CPNE8: variants seen among roughly 807,000 people sequenced by gnomAD.
The protein encoded by CPNE8 is copine-8.
In CPNE8, 45 loss-of-function variants were observed where a neutral mutation model predicts 81.5. The observed-to-expected ratio is 0.55, with a 90% confidence interval of 0.44 to 0.71. CPNE8 has a LOEUF of 0.71. CPNE8 is among the 30% of genes least tolerant of loss of function. The pLI, the probability that CPNE8 is intolerant of heterozygous loss-of-function variation, is 0.00. For missense variants in CPNE8, 594 were observed against 672.1 expected (o/e 0.88, Z 1.28); for synonymous variants, 252 against 226.3 (o/e 1.11, Z -1.02).
intron 15 of CPNE8, among the ~76,000 whole-genome samples, chr12:38,685,949 T>C (rs1486288798): frequency 3.3e-5 from 5 of 152,144 alleles, no homozygotes; most frequent in Non-Finnish European, 7.3e-5. Context: ...TTTGGGTACA[T>C]GTGGAGATAA....
rs539308919 is a variant in CPNE8, at chr12:38,703,857, C to A, written c.915-936G>T. On this transcript the variant is annotated intron_variant, in intron 13 of 19. Coordinates refer to ENST00000331366, the MANE Select transcript of CPNE8 (RefSeq NM_153634.3). ...ATCCCATTCACAAGAGTGACACACA[C>A]ACACACAAATATCTAGAATAAATCT... 5.9e-5 allele frequency among the ~76,000 whole-genome samples: 9 copies of A among 152,194 alleles called. No individual in the cohort carries two copies. The East Asian group carries it at 1.5e-3, about 26-fold the overall frequency.
chr12:38,656,410 A>G (rs966541631), intron 19 of CPNE8, among the ~76,000 whole-genome samples: 1 of 151,324 alleles, frequency 6.6e-6, no homozygotes. Flanking sequence ...GTTGGCAAAC[A>G]GTTGATGCTT....
chr12:38,848,500 A>T (rs770898686), intron 4 of CPNE8, 59 bp downstream of exon 4: 2 of 1,499,354 alleles, frequency 1.3e-6, no homozygotes, highest in Non-Finnish European at 1.8e-6. Context: ...CCTGCCTTAC[A>T]TTAGTAATAT....
chr12:38,797,516 C>G (rs1380048718), intron 6 of CPNE8, among the ~76,000 whole-genome samples: 9 of 152,036 alleles, frequency 5.9e-5, no homozygotes, highest in Admixed American at 5.9e-4. Flanking sequence ...AACTAACAAA[C>G]AGAGAGGACA....
intron 6 of CPNE8, among the ~76,000 whole-genome samples, chr12:38,813,815 G>A (rs754524731): frequency 3.3e-5 from 5 of 152,128 alleles, no homozygotes; most frequent in Non-Finnish European, 7.3e-5. Flanking sequence ...GAAAACTATC[G>A]AGAGAGCCAG....
intron 14 of CPNE8, among the ~76,000 whole-genome samples, chr12:38,694,095 A>G (rs555399003): frequency 6.6e-6 from 1 of 152,172 alleles, no homozygotes; most frequent in East Asian, 1.9e-4. Flanking sequence ...TCAATGCCAC[A>G]GGGTATTTTT....
At chr12:38,731,608 A>C (rs1940832501) in intron 10 of CPNE8, among the ~76,000 whole-genome samples, 3 of 151,892 alleles carry the variant, frequency 2.0e-5, no homozygotes, top group Admixed American at 2.0e-4. Flanking sequence ...ATTACTCTTT[A>C]TATCAATAGC....
intron 6 of CPNE8, among the ~76,000 whole-genome samples, chr12:38,778,197 G>GA (rs1941974538): frequency 6.6e-6 from 1 of 152,096 alleles, no homozygotes; most frequent in South Asian, 2.1e-4. Flanking sequence ...CCAGTGCATG[G>GA]AAAAATGATC....
intron 6 of CPNE8, among the ~76,000 whole-genome samples, chr12:38,796,475 A>G (rs1342619796): frequency 1.3e-5 from 2 of 152,214 alleles, no homozygotes; most frequent in African/African-American, 4.8e-5. Flanking sequence ...TAGTATATAA[A>G]AAATAGAAGA....
intron 7 of CPNE8, 37 bp from the exon 8 acceptor site, chr12:38,767,775 G>C (rs770945489): frequency 7.6e-7 from 1 of 1,318,672 alleles, no homozygotes; most frequent in Non-Finnish European, 1.0e-6. Flanking sequence ...CAAGATTTGG[G>C]CTATAAATAA....
At chr12:38,842,838 A>G (rs1032859113) in intron 4 of CPNE8, among the ~76,000 whole-genome samples, 2 of 152,012 alleles carry the variant, frequency 1.3e-5, no homozygotes, top group African/African-American at 4.8e-5. Context: ...TCAGCCTCCA[A>G]AAAGTGCTGG....
chr12:38,785,357 T>TA (rs557194605), intron 6 of CPNE8, among the ~76,000 whole-genome samples: 6,538 of 140,758 alleles, frequency 0.046, 326 homozygotes, highest in African/African-American at 0.14. Context: ...AATTAACCAA[T>TA]AAAAAAAAAA....
intron 1 of CPNE8, among the ~76,000 whole-genome samples, chr12:38,895,263 T>A (rs1388235095): frequency 1.3e-5 from 2 of 152,056 alleles, no homozygotes; most frequent in African/African-American, 2.4e-5. Flanking sequence ...AGGGAAACTC[T>A]GGAATTAAGT....
intron 1 of CPNE8, among the ~76,000 whole-genome samples, chr12:38,886,637 A>G (rs529373975): frequency 3.4e-4 from 52 of 152,318 alleles, no homozygotes; most frequent in African/African-American, 1.2e-3. Flanking sequence ...GAAAGAAGAG[A>G]TGTAATGTGA....
At chr12:38,852,497 G>A (rs1258484183) in intron 3 of CPNE8, among the ~76,000 whole-genome samples, 3 of 151,654 alleles carry the variant, frequency 2.0e-5, no homozygotes, top group Non-Finnish European at 4.4e-5. Context: ...AGTTACTCAG[G>A]AGGCTGAGGC....
chr12:38,893,833 C>T (rs571403085), intron 1 of CPNE8, among the ~76,000 whole-genome samples: 1 of 152,132 alleles, frequency 6.6e-6, no homozygotes, highest in African/African-American at 2.4e-5. Context: ...AATTAAAATT[C>T]ATATTTCAAT....
chr12:38,823,208 G>A (rs886589130), intron 6 of CPNE8, among the ~76,000 whole-genome samples: 2 of 152,070 alleles, frequency 1.3e-5, no homozygotes, highest in African/African-American at 4.8e-5. Context: ...TTCTATTTTA[G>A]TCTTCTTCCT....
intron 6 of CPNE8, among the ~76,000 whole-genome samples, chr12:38,815,311 A>C (rs1943006915): frequency 6.6e-6 from 1 of 152,072 alleles, no homozygotes; most frequent in South Asian, 2.1e-4. Flanking sequence ...TCCTCTTCTC[A>C]CCACTCCTAG....
intron 1 of CPNE8, among the ~76,000 whole-genome samples, chr12:38,890,711 T>A (rs1316607165): frequency 6.6e-6 from 1 of 152,064 alleles, no homozygotes. Context: ...CTTTATTAGT[T>A]CACCAAGTAC....
Sources: allele counts gnomAD v4.1 joint callset (sites outside exome capture counted in the v4.1 genomes callset), GRCh38; gene constraint gnomAD v4.1.1; transcripts MANE v1.5; gene names NCBI Gene and HGNC (gene_info 2026-07-23, HGNC 2026-07-21).